Variants in BMPR1B observed in about 807,000 individuals in gnomAD.
BMPR1B encodes bone morphogenetic protein receptor type 1B, also known as bone morphogenetic protein receptor type-1B.
In BMPR1B, 12 loss-of-function variants were observed where a neutral mutation model predicts 59.1. The observed-to-expected ratio is 0.20, with a 90% confidence interval of 0.13 to 0.33. BMPR1B has a LOEUF of 0.33. BMPR1B is among the 10% of genes least tolerant of loss of function. BMPR1B has a pLI of 1.00. For missense variants in BMPR1B, 550 were observed against 610.9 expected, an observed-to-expected ratio of 0.90 and a Z score of 1.05; for synonymous variants, 237 against 207.3, an observed-to-expected ratio of 1.14 and a Z score of -1.23.
At chr4:95,066,082 C>T (rs1727777996) in intron 3 of BMPR1B, among the ~76,000 whole-genome samples, 1 of 152,166 alleles carries the variant, frequency 6.6e-6, no homozygotes, top group South Asian at 2.1e-4. Context: ...TTGTGAGTAG[C>T]TGTTAATTTG....
chr4:94,774,085 A>G (rs967345102), intron 1 of BMPR1B, among the ~76,000 whole-genome samples: 2 of 152,174 alleles, frequency 1.3e-5, no homozygotes, highest in Admixed American at 6.5e-5. Flanking sequence ...TTATTTTTAT[A>G]TGTGTGGGGA....
chr4:94,904,654 G>A (rs1727969016), intron 2 of BMPR1B, among the ~76,000 whole-genome samples: 1 of 152,046 alleles, frequency 6.6e-6, no homozygotes, highest in Non-Finnish European at 1.5e-5. Context: ...GCTAATCAAT[G>A]ATGAGCAACA....
intron 2 of BMPR1B, among the ~76,000 whole-genome samples, chr4:94,893,834 G>A (rs1178838555): frequency 1.3e-5 from 2 of 151,964 alleles, no homozygotes; most frequent in Non-Finnish European, 2.9e-5. Flanking sequence ...CTGCTGCGTG[G>A]CAGTGTTTGA....
At chr4:94,814,287 G>A (rs1723929771) in intron 1 of BMPR1B, among the ~76,000 whole-genome samples, 1 of 152,166 alleles carries the variant, frequency 6.6e-6, no homozygotes, top group Admixed American at 6.5e-5. Context: ...ACTTGGAAAG[G>A]AAAACTTAAG....
At chr4:94,863,481 A>G (rs114377341) in intron 1 of BMPR1B, among the ~76,000 whole-genome samples, 294 of 152,330 alleles carry the variant, frequency 1.9e-3, no homozygotes, top group African/African-American at 6.8e-3. Flanking sequence ...AGAGTGGTGA[A>G]TAACAGTGCT....
At chr4:95,101,159 C>T (rs1005725725) in intron 3 of BMPR1B, among the ~76,000 whole-genome samples, 1 of 151,992 alleles carries the variant, frequency 6.6e-6, no homozygotes, top group East Asian at 1.9e-4. Context: ...GTCAAATTAC[C>T]CAGTAAAGAA....
At chr4:94,943,419 T>C (rs2120835) in intron 2 of BMPR1B, among the ~76,000 whole-genome samples, 90,447 of 152,124 alleles carry the variant, frequency 0.59, 28,401 homozygotes, top group African/African-American at 0.79. Flanking sequence ...CCACCGTGTC[T>C]GCCTCCACTC....
At chr4:95,004,729 T>A (rs867335585) in intron 3 of BMPR1B, among the ~76,000 whole-genome samples, 9 of 152,206 alleles carry the variant, frequency 5.9e-5, no homozygotes, top group African/African-American at 2.2e-4. Flanking sequence ...GTAGTTTAGC[T>A]TACTAACCTT....
Position 94,862,715 on chromosome 4 carries a change from A to G in BMPR1B, c.-182-13116A>G, listed in dbSNP as rs1410494479. ...AATCCCAGCACTTTGGCAGGCCGAGACGGGTGGATCATGAGGTCAGGAGAT... is the reference window on the plus strand; with the variant it reads ...AATCCCAGCACTTTGGCAGGCCGAGGCGGGTGGATCATGAGGTCAGGAGAT... On this transcript the variant is annotated intron_variant, in intron 1 of 12. Coordinates refer to ENST00000515059, the MANE Select transcript of BMPR1B (RefSeq NM_001203.3). 2.7e-5 allele frequency among the ~76,000 whole-genome samples: 4 copies of G among 150,676 alleles called. No individual in the cohort carries two copies. The East Asian group carries it at 8.0e-4, about 30-fold the overall frequency.
chr4:95,010,371 C>T (rs1723133091), intron 3 of BMPR1B, among the ~76,000 whole-genome samples: 1 of 152,150 alleles, frequency 6.6e-6, no homozygotes, highest in African/African-American at 2.4e-5. Flanking sequence ...CGAAGTGACA[C>T]CCTTCTGGTT....
chr4:94,922,338 TATGA>T (rs888875533), intron 2 of BMPR1B, among the ~76,000 whole-genome samples: 9 of 152,140 alleles, frequency 5.9e-5, no homozygotes, highest in South Asian at 2.1e-4. Context: ...TGCGTGTGTG[TATGA>T]GAGAGAGACT....
intron 2 of BMPR1B, among the ~76,000 whole-genome samples, chr4:94,883,845 A>G (rs1162980255): frequency 6.6e-6 from 1 of 152,166 alleles, no homozygotes; most frequent in African/African-American, 2.4e-5. Flanking sequence ...TTTCACAAGT[A>G]GATGGACTGT....
chr4:95,114,590 T>G, intron 4 of BMPR1B, 130 bp from the exon 5 acceptor site: 1 of 839,684 alleles, frequency 1.2e-6, no homozygotes, highest in South Asian at 1.4e-5. Flanking sequence ...ATCATTGACA[T>G]TCTCCTTGTT....
chr4:94,994,908 A>G (rs1418463341), intron 2 of BMPR1B, among the ~76,000 whole-genome samples: 2 of 152,148 alleles, frequency 1.3e-5, no homozygotes, highest in Admixed American at 6.5e-5. Flanking sequence ...CTCTGTCACA[A>G]AGTTGCCATG....
chr4:94,882,963 T>C (rs535435629), intron 2 of BMPR1B, among the ~76,000 whole-genome samples: 1 of 142,986 alleles, frequency 7.0e-6, no homozygotes, highest in Admixed American at 7.1e-5. Flanking sequence ...CCTGTGTGTG[T>C]GTGCGTGTGT....
At chr4:94,872,995 G>A (rs1726562470) in intron 1 of BMPR1B, among the ~76,000 whole-genome samples, 1 of 152,154 alleles carries the variant, frequency 6.6e-6, no homozygotes, top group African/African-American at 2.4e-5. Context: ...TCAGCTGCCT[G>A]TAGGGCCCCC....
intron 2 of BMPR1B, among the ~76,000 whole-genome samples, chr4:94,924,503 G>A (rs1321024543): frequency 6.6e-6 from 1 of 152,098 alleles, no homozygotes; most frequent in East Asian, 1.9e-4. Context: ...CAAGGACTAT[G>A]ATAAAGAGTG....
At chr4:95,017,650 T>A (rs977707319) in intron 3 of BMPR1B, among the ~76,000 whole-genome samples, 1 of 152,230 alleles carries the variant, frequency 6.6e-6, no homozygotes, top group African/African-American at 2.4e-5. Flanking sequence ...ATTTCAGTGT[T>A]GCCCTAAAAA....
intron 10 of BMPR1B, among the ~76,000 whole-genome samples, chr4:95,134,118 C>T (rs143694609): frequency 6.1e-4 from 93 of 152,180 alleles, no homozygotes; most frequent in African/African-American, 2.1e-3. Flanking sequence ...TGAGAACATG[C>T]GATGTTTGGT....
Sources: allele counts gnomAD v4.1 joint callset (sites outside exome capture counted in the v4.1 genomes callset), GRCh38; gene constraint gnomAD v4.1.1; transcripts MANE v1.5; gene names NCBI Gene and HGNC (gene_info 2026-07-23, HGNC 2026-07-21).